CFAP299: variants seen among roughly 807,000 people sequenced by gnomAD.
CFAP299 encodes cilia- and flagella-associated protein 299.
In CFAP299, 21 loss-of-function variants were observed where a neutral mutation model predicts 27.0. That is an observed-to-expected ratio of 0.78 (90% CI 0.55 to 1.12). The LOEUF (loss-of-function observed/expected upper bound fraction) is 1.12, where lower values mean the gene tolerates loss of function less well. Among genes scored for constraint, CFAP299 ranks in the 50% most tolerant of loss-of-function variants. CFAP299 has a pLI of 0.00. For missense variants in CFAP299, 310 were observed against 276.6 expected, an observed-to-expected ratio of 1.12 and a Z score of -0.86; for synonymous variants, 104 against 98.1, an observed-to-expected ratio of 1.06 and a Z score of -0.36.
chr4:80,695,931 T>G (rs1578031376), intron 3 of CFAP299, among the ~76,000 whole-genome samples: 1 of 152,164 alleles, frequency 6.6e-6, no homozygotes, highest in Non-Finnish European at 1.5e-5. Flanking sequence ...ATTACAAGCA[T>G]GAGCCACAGC....
At chr4:80,589,693 C>G (rs1457469263) in intron 3 of CFAP299, among the ~76,000 whole-genome samples, 1 of 152,124 alleles carries the variant, frequency 6.6e-6, no homozygotes, top group African/African-American at 2.4e-5. Flanking sequence ...TAGGAAAAGA[C>G]ACTCAGCTGT....
chr4:80,531,710 G>T (rs1364448545), intron 2 of CFAP299, among the ~76,000 whole-genome samples: 1 of 149,968 alleles, frequency 6.7e-6, no homozygotes, highest in African/African-American at 2.5e-5. Flanking sequence ...GCATCTAGGT[G>T]TGGCTGTGTG....
intron 3 of CFAP299, among the ~76,000 whole-genome samples, chr4:80,727,015 C>T (rs772361043): frequency 6.6e-6 from 1 of 151,900 alleles, no homozygotes; most frequent in Non-Finnish European, 1.5e-5. Flanking sequence ...CCCCAGCATT[C>T]CAGCAAAAAT....
At chr4:80,630,546 G>C (rs1048517631) in intron 3 of CFAP299, among the ~76,000 whole-genome samples, 1 of 151,938 alleles carries the variant, frequency 6.6e-6, no homozygotes, top group Admixed American at 6.6e-5. Context: ...GAAACATTAT[G>C]TTTTTATAAT....
chr4:80,326,659 C>CACTA, the CFAP299 span, among the ~76,000 whole-genome samples: 649 of 152,260 alleles, frequency 4.3e-3, 2 homozygotes, highest in Middle Eastern at 6.8e-3. Flanking sequence ...TTCCTTGAGG[C>CACTA]ACTAAGTGCT....
chr4:80,787,638 C>T (rs1727321065), intron 3 of CFAP299, among the ~76,000 whole-genome samples: 1 of 151,958 alleles, frequency 6.6e-6, no homozygotes, highest in Non-Finnish European at 1.5e-5. Flanking sequence ...ACATCAATTC[C>T]AAGCCCTTTT....
chr4:80,482,349 ATAAAG>A (rs1730606676), intron 2 of CFAP299, among the ~76,000 whole-genome samples: 2 of 152,126 alleles, frequency 1.3e-5, no homozygotes, highest in African/African-American at 4.8e-5. Flanking sequence ...AACATCACCC[ATAAAG>A]TATTCTTTTT....
chr4:80,323,964 C>G, the CFAP299 span, among the ~76,000 whole-genome samples: 1 of 151,986 alleles, frequency 6.6e-6, no homozygotes, highest in Non-Finnish European at 1.5e-5. Context: ...GTGTAAGAAA[C>G]TATACTCCTT....
chr4:80,895,017 A>G (rs1734545055), intron 4 of CFAP299, among the ~76,000 whole-genome samples: 1 of 151,974 alleles, frequency 6.6e-6, no homozygotes, highest in African/African-American at 2.4e-5. Context: ...TTCAGGGGCA[A>G]TGGAAATGGG....
intron 3 of CFAP299, among the ~76,000 whole-genome samples, chr4:80,626,133 A>C (rs559996886): frequency 6.6e-6 from 1 of 152,116 alleles, no homozygotes; most frequent in African/African-American, 2.4e-5. Context: ...GATAGATTAT[A>C]TGTTAGGCCA....
chr4:80,889,528 T>G (rs1438552616), intron 4 of CFAP299, among the ~76,000 whole-genome samples: 1 of 152,000 alleles, frequency 6.6e-6, no homozygotes, highest in Non-Finnish European at 1.5e-5. Flanking sequence ...GCTTTACTGA[T>G]GAATTTTACC....
chr4:80,860,325 A>G (rs1259663688), intron 3 of CFAP299, among the ~76,000 whole-genome samples: 3 of 152,024 alleles, frequency 2.0e-5, no homozygotes, highest in Admixed American at 6.6e-5. Context: ...AATTTTTTTC[A>G]AAGTTTTTAA....
intron 2 of CFAP299, among the ~76,000 whole-genome samples, chr4:80,458,636 C>T (rs1394833736): frequency 6.6e-6 from 1 of 152,108 alleles, no homozygotes; most frequent in African/African-American, 2.4e-5. Context: ...CCAAATAAGA[C>T]TTCTGCATGG....
chr4:80,850,511 T>A (rs892817313), intron 3 of CFAP299, among the ~76,000 whole-genome samples: 1 of 151,740 alleles, frequency 6.6e-6, no homozygotes, highest in Non-Finnish European at 1.5e-5. Flanking sequence ...AAACTTGAGT[T>A]TTAGAAAGCA....
chr4:80,798,556 T>C (rs766453577), intron 3 of CFAP299, among the ~76,000 whole-genome samples: 1 of 152,122 alleles, frequency 6.6e-6, no homozygotes, highest in Non-Finnish European at 1.5e-5. Flanking sequence ...TCATTGCAGG[T>C]CAGCCACTTG....
chr4:80,693,137 G>C (rs1282834909), intron 3 of CFAP299, among the ~76,000 whole-genome samples: 1 of 147,254 alleles, frequency 6.8e-6, no homozygotes, highest in Non-Finnish European at 1.5e-5. Flanking sequence ...AGTCAGTGTG[G>C]GCGATTCCTC....
intron 3 of CFAP299, among the ~76,000 whole-genome samples, chr4:80,637,716 C>T (rs1739519756): frequency 6.6e-6 from 1 of 152,136 alleles, no homozygotes; most frequent in Admixed American, 6.6e-5. Flanking sequence ...AACAGAAACA[C>T]TAGAACAAAC....
intron 3 of CFAP299, among the ~76,000 whole-genome samples, chr4:80,786,394 T>A (rs1409838216): frequency 6.6e-6 from 1 of 152,118 alleles, no homozygotes; most frequent in African/African-American, 2.4e-5. Flanking sequence ...CTATACACTT[T>A]ACAGTCCAAG....
chr4:80,432,970 T>C (rs1727898356), intron 2 of CFAP299, among the ~76,000 whole-genome samples: 1 of 152,234 alleles, frequency 6.6e-6, no homozygotes. Context: ...CCTTCTTTAC[T>C]CATCTTATAT....
Sources: allele counts gnomAD v4.1 joint callset (sites outside exome capture counted in the v4.1 genomes callset), GRCh38; gene constraint gnomAD v4.1.1; transcripts MANE v1.5; gene names NCBI Gene and HGNC (gene_info 2026-07-23, HGNC 2026-07-21).